WIPF2: variants seen among roughly 807,000 people sequenced by gnomAD.
WIPF2 encodes WAS/WASL-interacting protein family member 2.
Under a neutral mutation model 38.8 loss-of-function variants are expected in WIPF2, and 23 were observed. The ratio of observed to expected loss-of-function variants is 0.59; its 90% CI spans 0.43 to 0.84. WIPF2 has a LOEUF of 0.84. WIPF2 is among the 40% of genes least tolerant of loss of function. WIPF2 has a pLI of 0.00. For synonymous variants in WIPF2, 210 were observed against 223.2 expected (o/e 0.94, Z 0.53); for missense variants, 574 against 580.5 (o/e 0.99, Z 0.11).
Position 40,278,565 on chromosome 17 carries a change from G to A in WIPF2, c.*340G>A. The A allele has an allele frequency of 3.6e-6, 1 of 275,090 alleles. No homozygotes were observed. The highest frequency in any genetic ancestry group is 7.0e-6 in the Non-Finnish European group (1 of 143,324). The allele number at this position is 275,090 out of a possible 1,614,324, so 17.0% of individuals were successfully genotyped here. On this transcript the variant is annotated 3_prime_UTR_variant, in exon 8 of 8. Coordinates refer to ENST00000323571, the MANE Select transcript of WIPF2 (RefSeq NM_133264.5). ...TGAATTAACTCACTGTTAGGGCAGG[G>A]TGGAGAATGGTACTCCTTCCTTCTC...
At chr17:40,240,066 T>C (rs2031131696) in intron 1 of WIPF2, among the ~76,000 whole-genome samples, 1 of 151,480 alleles carries the variant, frequency 6.6e-6, no homozygotes, top group African/African-American at 2.4e-5. Flanking sequence ...ATACAGACTT[T>C]TCTTTTTTTT....
chr17:40,247,450 C>T (rs990535489), intron 1 of WIPF2, among the ~76,000 whole-genome samples: 8 of 150,974 alleles, frequency 5.3e-5, no homozygotes, highest in Non-Finnish European at 8.8e-5. Context: ...AACTCCTGAC[C>T]TCAAGTGATC....
chr17:40,261,190 C>G (rs144910752), intron 3 of WIPF2, among the ~76,000 whole-genome samples: 18 of 152,252 alleles, frequency 1.2e-4, no homozygotes, highest in East Asian at 7.7e-4. Context: ...GTGTCCATTC[C>G]TGTAGGCCTC....
chr17:40,243,723 A>C (rs2031268571), intron 1 of WIPF2, among the ~76,000 whole-genome samples: 1 of 151,192 alleles, frequency 6.6e-6, no homozygotes, highest in African/African-American at 2.4e-5. Context: ...GTTTCTCTGT[A>C]TTGGCCAGGC....
intron 4 of WIPF2, among the ~76,000 whole-genome samples, chr17:40,263,558 C>T (rs1280989764): frequency 7.1e-6 from 1 of 140,182 alleles, no homozygotes; most frequent in Non-Finnish European, 1.6e-5. Context: ...CCCCCCCCCC[C>T]CGCAAATGGA....
intron 1 of WIPF2, among the ~76,000 whole-genome samples, chr17:40,235,569 CTTTTTTT>C (rs777748624): frequency 1.7e-5 from 2 of 119,878 alleles, no homozygotes; most frequent in Admixed American, 8.9e-5. Context: ...GAGAGTGAGA[CTTTTTTT>C]TTTTTTTTTT....
At chr17:40,254,019 AT>A (rs200675837) in intron 1 of WIPF2, among the ~76,000 whole-genome samples, 220 of 141,410 alleles carry the variant, frequency 1.6e-3, no homozygotes, top group Admixed American at 1.3e-3. Context: ...TGCTGGTTTG[AT>A]TTTTTTTTTT....
intron 1 of WIPF2, among the ~76,000 whole-genome samples, chr17:40,247,703 G>A (rs1227327070): frequency 6.6e-6 from 1 of 151,700 alleles, no homozygotes; most frequent in Non-Finnish European, 1.5e-5. Context: ...TGTATTTTTA[G>A]TAGAGATGGG....
At position 40,260,659 on chromosome 17, in the gene WIPF2, T is replaced by C; in HGVS notation, c.188T>C (p.Ile63Thr). The change falls in exon 3 of 8, where the codon ATC becomes ACC. Residue 63 changes from isoleucine to threonine, a missense_variant. Coordinates refer to ENST00000323571, the MANE Select transcript of WIPF2 (RefSeq NM_133264.5). ...AACATTAATGATCGGAGTGCTCCCATCCTCGAGAGTGAGTCCGAGCTTCAT... is the reference window on the plus strand; with the variant it reads ...AACATTAATGATCGGAGTGCTCCCACCCTCGAGAGTGAGTCCGAGCTTCAT... ...VTNINDRSAP[I>T]LEKPKGSSGG... 4 of 1,613,758 alleles carry C rather than the reference T, an allele frequency of 2.5e-6. No individual in the cohort carries two copies. Among genetic ancestry groups the C allele is most frequent in the Non-Finnish European group, 3.4e-6 (4 of 1,179,916 alleles).
At chr17:40,253,939 C>T (rs2031640474) in intron 1 of WIPF2, among the ~76,000 whole-genome samples, 1 of 152,012 alleles carries the variant, frequency 6.6e-6, no homozygotes, top group South Asian at 2.1e-4. Flanking sequence ...TAAATTACTG[C>T]ATTATTGACA....
At chr17:40,253,023 C>T (rs2145354796) in intron 1 of WIPF2, among the ~76,000 whole-genome samples, 1 of 151,688 alleles carries the variant, frequency 6.6e-6, no homozygotes, top group East Asian at 1.9e-4. Context: ...GCCTCAGCCT[C>T]CCAGAGTGCT....
In WIPF2 at chr17:40,262,585, G is replaced by A; in HGVS notation, c.257G>A (p.Gly86Asp). 6.2e-7 allele frequency: 1 copy of A among 1,614,072 alleles called. No individual in the cohort carries two copies. Among genetic ancestry groups the A allele is most frequent in the Non-Finnish European group, 8.5e-7 (1 of 1,179,930 alleles). ...SGGAALQPKG[G>D]LFQGGVLKLR... ...GGAGCTGCCCTGCAGCCCAAGGGAG[G>A]TCTCTTCCAAGGAGGAGTGCTGAAG... The change falls in exon 4 of 8, where the codon GGT becomes GAT. Residue 86 changes from glycine to aspartate, a missense_variant. Physicochemically the swap from Gly to Asp is moderately conservative, Grantham distance 94. Coordinates refer to ENST00000323571, the MANE Select transcript of WIPF2 (RefSeq NM_133264.5).
intron 1 of WIPF2, among the ~76,000 whole-genome samples, chr17:40,221,636 A>G (rs2145262119): frequency 7.2e-6 from 1 of 139,752 alleles, no homozygotes; most frequent in Middle Eastern, 3.4e-3. Context: ...GCTGGAGTGC[A>G]GTGGCGTGAT....
At chr17:40,236,468 G>C (rs1159805804) in intron 1 of WIPF2, among the ~76,000 whole-genome samples, 1 of 150,398 alleles carries the variant, frequency 6.6e-6, no homozygotes, top group East Asian at 2.0e-4. Flanking sequence ...CTCCCGAGTA[G>C]CTGGAACTAC....
chr17:40,253,807 G>A (rs1598484887), intron 1 of WIPF2, among the ~76,000 whole-genome samples: 1 of 152,158 alleles, frequency 6.6e-6, no homozygotes, highest in Non-Finnish European at 1.5e-5. Context: ...TTGGGATTTT[G>A]AAGACTTTTA....
intron 3 of WIPF2, among the ~76,000 whole-genome samples, chr17:40,262,060 CT>C (rs2031924115): frequency 7.2e-6 from 1 of 138,992 alleles, no homozygotes; most frequent in Non-Finnish European, 1.5e-5. Flanking sequence ...GCTTTCCTTT[CT>C]TTTCTTTTCT....
intron 1 of WIPF2, among the ~76,000 whole-genome samples, chr17:40,242,007 G>A (rs1259942817): frequency 6.6e-6 from 1 of 152,138 alleles, no homozygotes; most frequent in Non-Finnish European, 1.5e-5. Flanking sequence ...TCTTGTGGCT[G>A]TTATTAACTA....
At chr17:40,244,258 G>A (rs1049175910) in intron 1 of WIPF2, among the ~76,000 whole-genome samples, 1 of 152,168 alleles carries the variant, frequency 6.6e-6, no homozygotes, top group South Asian at 2.1e-4. Flanking sequence ...TTCCCTGTGT[G>A]ATTATAGGAA....
intron 6 of WIPF2, among the ~76,000 whole-genome samples, chr17:40,274,459 T>G (rs1238566053): frequency 6.3e-5 from 9 of 142,710 alleles, no homozygotes. Context: ...CAGGCCGCTG[T>G]CAAACTCCTG....
Sources: allele counts gnomAD v4.1 joint callset (sites outside exome capture counted in the v4.1 genomes callset), GRCh38; gene constraint gnomAD v4.1.1; transcripts MANE v1.5; gene names NCBI Gene and HGNC (gene_info 2026-07-23, HGNC 2026-07-21).